The following ALPK2 variants were observed in gnomAD, a reference collection of about 807,000 sequenced individuals.
ALPK2 encodes alpha kinase 2.
A neutral mutation model predicts 163.1 loss-of-function variants in ALPK2; 127 were observed. The ratio of observed to expected loss-of-function variants is 0.78; its 90% CI spans 0.67 to 0.90. The LOEUF is 0.90. ALPK2 is among the 40% of genes least tolerant of loss of function. The pLI, the probability that ALPK2 is intolerant of heterozygous loss-of-function variation, is 0.00. For missense variants in ALPK2, 2,360 were observed against 2,589.6 expected (o/e 0.91, Z 1.92); for synonymous variants, 953 against 959.1 (o/e 0.99, Z 0.12).
At chr18:58,627,039 G>C (rs2052234361) in intron 1 of ALPK2, among the ~76,000 whole-genome samples, 1 of 152,180 alleles carries the variant, frequency 6.6e-6, no homozygotes, top group South Asian at 2.1e-4. Context: ...TGAGTAAACT[G>C]GGGTTCAAAC....
At chr18:58,565,906 C>T (rs189970927) in intron 4 of ALPK2, among the ~76,000 whole-genome samples, 5 of 152,140 alleles carry the variant, frequency 3.3e-5, no homozygotes, top group South Asian at 2.1e-4. Flanking sequence ...CTCAGCCTCC[C>T]GAGTAGCTGG....
rs2051639665 is a variant in ALPK2 at position 58,535,510 on chromosome 18, G to A, written c.4677C>T (p.Asn1559=). The A allele has an allele frequency of 6.2e-7, 1 of 1,614,186 alleles. No individual in the cohort carries two copies. Among genetic ancestry groups the A allele is most frequent in the Non-Finnish European group, 8.5e-7 (1 of 1,180,004 alleles). Residue 1559 remains asparagine (N), a synonymous_variant, in exon 5 of 13, where the codon AAC becomes AAT. Transcript: ENST00000361673. ...GGACGTCATGAATTTGGCCTGTGGA[G>A]TTGTGCGTGTCAACCCCAAGAGAAG... ...THASLGVDTH[N]STGQIHDVPE...
At chr18:58,518,826 C>T (rs1009648773) in intron 8 of ALPK2, among the ~76,000 whole-genome samples, 2 of 152,174 alleles carry the variant, frequency 1.3e-5, no homozygotes, top group Non-Finnish European at 2.9e-5. Flanking sequence ...TCCCTCTGCC[C>T]TGTCACTTCT....
Position 58,536,864 on chromosome 18 carries a change from C to A in ALPK2, c.3323G>T (p.Gly1108Val). Residue 1108 changes from glycine to valine, a missense_variant, in exon 5 of 13, where the codon GGA becomes GTA. Physicochemically the swap from Gly to Val is moderately radical, Grantham distance 109. Transcript: ENST00000361673. The stretch of plus-strand genomic sequence containing the variant: ...TCTGTCCACAGTCTGGCTCTTATCT[C>A]CAGACAGGTTATCAACCTGAAGAGG... Reference protein sequence around the residue: ...NSPLQVDNLSGDKSQTVDRAD... With the variant: ...NSPLQVDNLSVDKSQTVDRAD... 1 of 1,614,152 alleles carries A rather than the reference C, an allele frequency of 6.2e-7. No individual in the cohort carries two copies.
At chr18:58,596,189 G>A (rs1481944407) in intron 3 of ALPK2, among the ~76,000 whole-genome samples, 1 of 152,212 alleles carries the variant, frequency 6.6e-6, no homozygotes, top group Non-Finnish European at 1.5e-5. Context: ...CCCAAAAGCA[G>A]GCTCAGAGAC....
At chr18:58,554,872 G>A (rs969233790) in intron 4 of ALPK2, among the ~76,000 whole-genome samples, 5 of 152,186 alleles carry the variant, frequency 3.3e-5, no homozygotes, top group Non-Finnish European at 7.3e-5. Flanking sequence ...ATGGGGGCGG[G>A]TTTTCCTGTG....
intron 5 of ALPK2, among the ~76,000 whole-genome samples, chr18:58,532,561 CTCTT>C (rs2144142094): frequency 6.6e-6 from 1 of 152,342 alleles, no homozygotes; most frequent in South Asian, 2.1e-4. Flanking sequence ...GCCAGCACCA[CTCTT>C]TCTCCTAATG....
chr18:58,503,034 T>C (rs1461412482), intron 11 of ALPK2, among the ~76,000 whole-genome samples: 2 of 152,238 alleles, frequency 1.3e-5, no homozygotes, highest in Non-Finnish European at 2.9e-5. Flanking sequence ...TGCACTTCCC[T>C]ACTCCTCTAC....
chr18:58,596,284 T>C (rs1387934923), intron 3 of ALPK2, among the ~76,000 whole-genome samples: 2 of 152,216 alleles, frequency 1.3e-5, no homozygotes, highest in Non-Finnish European at 2.9e-5. Flanking sequence ...GCTGGCTGTG[T>C]CCTGTGTCCC....
chr18:58,588,521 A>C (rs568071486), intron 3 of ALPK2, among the ~76,000 whole-genome samples: 1 of 152,230 alleles, frequency 6.6e-6, no homozygotes, highest in East Asian at 1.9e-4. Flanking sequence ...CATCACTTAG[A>C]TATTAAGCCC....
rs572484244 is a variant in ALPK2 at position 58,481,489 on chromosome 18, C to A, written c.*334G>T. 1.4e-5 allele frequency: 4 copies of A among 280,900 alleles called. No individual in the cohort carries two copies. Among genetic ancestry groups the A allele is most frequent in the African/African-American group, 8.8e-5 (4 of 45,610 alleles). 17.4% of individuals were successfully genotyped at this position (280,900 alleles called of 1,614,324 possible). A position where few individuals can be genotyped will look rare whatever the true frequency, so the allele number is the denominator to read the frequency against. Reference sequence around the variant, plus strand: ...GGCTGTGAACAGACTCTTCTCAGCACCAGGTCCTCGACAGCACAACCATGT... The same window carrying A: ...GGCTGTGAACAGACTCTTCTCAGCAACAGGTCCTCGACAGCACAACCATGT... On this transcript the variant is annotated 3_prime_UTR_variant, in exon 13 of 13. Coordinates refer to ENST00000361673, the MANE Select transcript of ALPK2 (RefSeq NM_052947.4).
chr18:58,580,118 A>C lies in ALPK2; in HGVS notation c.658T>G (p.Ser220Ala). ...TCTTGTTTTTCATAAATATGACTTG[A>C]ATTAAGAAAAAGCAACCCATTTGCA... ...EIANGLLFLN[S>A]SHIYEKQDRC... The change falls in exon 4 of 13, where the codon TCA becomes GCA. Residue 220 changes from serine to alanine, a missense_variant. Coordinates refer to ENST00000361673, the MANE Select transcript of ALPK2 (RefSeq NM_052947.4). 1 of 1,614,206 alleles carries C rather than the reference A, an allele frequency of 6.2e-7. No homozygotes were observed. The highest frequency in any genetic ancestry group is 8.5e-7 in the Non-Finnish European group (1 of 1,180,038).
intron 6 of ALPK2, among the ~76,000 whole-genome samples, chr18:58,526,112 A>T (rs755237036): frequency 9.9e-5 from 15 of 152,266 alleles, no homozygotes; most frequent in African/African-American, 3.4e-4. Flanking sequence ...GGGTAAGTTC[A>T]GTTTCATATC....
chr18:58,521,053 C>T (rs974636173), intron 8 of ALPK2, among the ~76,000 whole-genome samples: 13 of 152,304 alleles, frequency 8.5e-5, no homozygotes, highest in Admixed American at 1.3e-4. Flanking sequence ...GCTTCTTTAT[C>T]TGAAGGTACA....
At chr18:58,513,047 G>A (rs2051501875) in intron 10 of ALPK2, among the ~76,000 whole-genome samples, 1 of 143,456 alleles carries the variant, frequency 7.0e-6, no homozygotes, top group African/African-American at 2.6e-5. Context: ...GTGTGGTGTG[G>A]TGTGTTTGTG....
intron 6 of ALPK2, among the ~76,000 whole-genome samples, chr18:58,526,528 C>G (rs528727749): frequency 1.3e-5 from 2 of 152,300 alleles, no homozygotes; most frequent in South Asian, 4.1e-4. Context: ...TCTACGTGGA[C>G]AGCTGCCCTT....
Position 58,607,451 on chromosome 18 carries a change from G to T in ALPK2, c.110-12C>A. On this transcript the variant is annotated splice_polypyrimidine_tract_variant and intron_variant, in intron 2 of 12. Transcript: ENST00000361673. ...TGGCTTGGGCTGACCTGACAATAAA[G>T]AAAGAAAAGTATCCTTATTAGTTTA... is the stretch of plus-strand genomic sequence containing the variant. 2 of 1,461,726 alleles carry T rather than the reference G, an allele frequency of 1.4e-6. No homozygotes were observed. The highest frequency in any genetic ancestry group is 1.8e-6 in the Non-Finnish European group (2 of 1,084,504). The allele number at this position is 1,461,726 out of a possible 1,614,324, so 90.5% of individuals were successfully genotyped here.
In ALPK2 at chr18:58,617,187, A is replaced by AATTT. The variant is rs1174189545; in HGVS notation, c.-20-5374_-20-5371dup. Among the ~76,000 whole-genome samples, 161 of 151,996 alleles carry AATTT rather than the reference A, an allele frequency of 1.1e-3. 2 individuals carry two copies. Among genetic ancestry groups the AATTT allele is most frequent in the African/African-American group, 3.6e-3 (150 of 41,452 alleles). ...GCAAGTTTCTTTTTATTTGTATTTG[A>AATTT]ATTTATTTATTTATTTATTGAGAGA... is the stretch of plus-strand genomic sequence containing the variant. On this transcript the variant is annotated intron_variant, in intron 1 of 12. Transcript: ENST00000361673.
Position 58,612,445 on chromosome 18 carries a change from G to C in ALPK2, c.-20-628C>G, listed in dbSNP as rs551997204. Among the ~76,000 whole-genome samples, 114 of 152,318 alleles carry C rather than the reference G, an allele frequency of 7.5e-4. No individual in the cohort carries two copies. The Middle Eastern group carries it at 0.01, about 14-fold the overall frequency. ...AGGGGAAGGCAGGCACTAAACACTTGATTAGTCACCAGATATATTATTTCA... is the reference window on the plus strand; with the variant it reads ...AGGGGAAGGCAGGCACTAAACACTTCATTAGTCACCAGATATATTATTTCA... On this transcript the variant is annotated intron_variant, in intron 1 of 12. Coordinates refer to ENST00000361673, the MANE Select transcript of ALPK2 (RefSeq NM_052947.4).
Sources: allele counts gnomAD v4.1 joint callset (sites outside exome capture counted in the v4.1 genomes callset), GRCh38; gene constraint gnomAD v4.1.1; transcripts MANE v1.5; gene names NCBI Gene and HGNC (gene_info 2026-07-23, HGNC 2026-07-21).